Variants in ASCC2 observed in about 807,000 individuals in gnomAD.
The protein encoded by ASCC2 is ASC-1 complex subunit P100.
A neutral mutation model predicts 93.5 loss-of-function variants in ASCC2; 42 were observed. The ratio of observed to expected loss-of-function variants is 0.45; its 90% CI spans 0.35 to 0.58. The LOEUF (loss-of-function observed/expected upper bound fraction) is 0.58. Among genes scored for constraint, ASCC2 ranks in the 20% least tolerant of loss-of-function variants. The probability of loss-of-function intolerance (pLI) is 0.00; values close to 1 mark genes in which losing one functional copy is unlikely to be tolerated. For synonymous variants in ASCC2, 364 were observed against 384.2 expected, an observed-to-expected ratio of 0.95 and a Z score of 0.62; for missense variants, 859 against 977.6, an observed-to-expected ratio of 0.88 and a Z score of 1.62.
intron 7 of ASCC2, among the ~76,000 whole-genome samples, chr22:29,813,984 C>A (rs540603187): frequency 5.3e-5 from 8 of 152,328 alleles, no homozygotes; most frequent in African/African-American, 1.9e-4. Flanking sequence ...TCCTGGTTCT[C>A]ATGACAACTC....
intron 15 of ASCC2, among the ~76,000 whole-genome samples, chr22:29,798,712 T>G (rs564042741): frequency 6.6e-6 from 1 of 152,236 alleles, no homozygotes; most frequent in African/African-American, 2.4e-5. Context: ...CCGAAGTTCC[T>G]GTGTACCCCA....
At chr22:29,801,326 C>G (rs1036665781) in intron 14 of ASCC2, among the ~76,000 whole-genome samples, 8 of 152,244 alleles carry the variant, frequency 5.3e-5, no homozygotes, top group African/African-American at 1.9e-4. Context: ...AAAGCTCCCC[C>G]TCATTCTCTG....
At chr22:29,799,700 CT>C (rs1424529525) in intron 15 of ASCC2, among the ~76,000 whole-genome samples, 1 of 152,236 alleles carries the variant, frequency 6.6e-6, no homozygotes, top group African/African-American at 2.4e-5. Flanking sequence ...TCTTATTTTG[CT>C]GTTCTCTACT....
chr22:29,820,149 G>A (rs572820824), intron 5 of ASCC2, among the ~76,000 whole-genome samples: 1 of 151,604 alleles, frequency 6.6e-6, no homozygotes, highest in South Asian at 2.1e-4. Context: ...TGAAAATGTT[G>A]GATGCAAAAT....
rs759089017 is a variant in ASCC2 at position 29,801,049 on chromosome 22, C to T, written c.1630G>A (p.Glu544Lys). 1.9e-6 allele frequency: 3 copies of T among 1,609,848 alleles called. No individual in the cohort carries two copies. Among genetic ancestry groups the T allele is most frequent in the South Asian group, 2.2e-5 (2 of 90,910 alleles). The change falls in exon 15 of 20, where the codon GAG becomes AAG. Residue 544 changes from glutamate (E) to lysine (K), a missense_variant. Physicochemically the swap from Glu to Lys is moderately conservative, Grantham distance 56. Transcript: ENST00000307790. Reference sequence around the variant, plus strand: ...GAGTCCCTGCTGAACACATCAAACTCGTCATTCTGGAAGACGTTGTGGCGA... The same window carrying T: ...GAGTCCCTGCTGAACACATCAAACTTGTCATTCTGGAAGACGTTGTGGCGA... ...TSRHNVFQND[E>K]FDVFSRDSVD...
intron 8 of ASCC2, among the ~76,000 whole-genome samples, chr22:29,808,994 C>T (rs2059992645): frequency 1.3e-5 from 2 of 151,576 alleles, no homozygotes; most frequent in African/African-American, 4.9e-5. Context: ...GTGGTGCACG[C>T]CTGTAATCTC....
intron 5 of ASCC2, among the ~76,000 whole-genome samples, chr22:29,819,221 C>T (rs1457445218): frequency 6.6e-6 from 1 of 152,030 alleles, no homozygotes; most frequent in Non-Finnish European, 1.5e-5. Context: ...AGTGCAATGG[C>T]ACAATCTCGG....
chr22:29,831,387 T>C (rs929036065), intron 2 of ASCC2, among the ~76,000 whole-genome samples: 3 of 152,312 alleles, frequency 2.0e-5, no homozygotes, highest in African/African-American at 7.2e-5. Context: ...AATCAAAATG[T>C]CTATTTGTAG....
chr22:29,809,903 A>T (rs2060098885), intron 8 of ASCC2: 1 of 152,172 alleles, frequency 6.6e-6, no homozygotes, highest in Non-Finnish European at 1.5e-5. Flanking sequence ...ACCTCTTATG[A>T]CAGCAAACCA....
intron 2 of ASCC2, among the ~76,000 whole-genome samples, chr22:29,831,203 T>C (rs113345419): frequency 0.011 from 1,708 of 152,324 alleles, 29 homozygotes; most frequent in African/African-American, 0.037. Flanking sequence ...GATTTTCTGA[T>C]AAATATCTCC....
chr22:29,804,410 A>G (rs740116), intron 13 of ASCC2, among the ~76,000 whole-genome samples: 18,748 of 152,192 alleles, frequency 0.12, 1,858 homozygotes, highest in African/African-American at 0.28. Context: ...TAAGGCTTCG[A>G]TAGTTGAAGC....
At chr22:29,789,656 C>T (rs1211265104) in intron 19 of ASCC2, among the ~76,000 whole-genome samples, 1 of 152,224 alleles carries the variant, frequency 6.6e-6, no homozygotes, top group African/African-American at 2.4e-5. Context: ...CAGAGCTCCG[C>T]ACTCAGGGGG....
chr22:29,825,182 C>T lies in ASCC2; in HGVS notation c.316G>A (p.Val106Met). The change falls in exon 4 of 20, where the codon GTG becomes ATG. Residue 106 changes from valine (V) to methionine (M), a missense_variant. Val to Met is a conservative substitution (Grantham distance 21, BLOSUM62 1). Transcript: ENST00000307790. This position sits in a 1 kb window ranked among gnomAD's most constrained non-coding sequence, Gnocchi z 4.9. ...TCAACAACCTCAGGGGCTGAGGCCA[C>T]CCCCTCGTCGAATTTGCGGGGGACA... ...RYVPRKFDEG[V>M]ASAPEVVDMQ... The T allele has an allele frequency of 3.2e-6, 5 of 1,564,708 alleles. No homozygotes were observed. The highest frequency in any genetic ancestry group is 1.7e-4 in the Middle Eastern group (1 of 5,836).
At chr22:29,817,435 T>C (rs568938353) in intron 5 of ASCC2, among the ~76,000 whole-genome samples, 105 of 152,170 alleles carry the variant, frequency 6.9e-4, no homozygotes, top group Non-Finnish European at 1.3e-3. Flanking sequence ...CACTCCTCCC[T>C]CACACCATTC....
intron 4 of ASCC2, among the ~76,000 whole-genome samples, chr22:29,824,395 ACTTGAGTT>A (rs2062019705): frequency 6.6e-6 from 1 of 151,998 alleles, no homozygotes; most frequent in Non-Finnish European, 1.5e-5. Flanking sequence ...TGGGAATATA[ACTTGAGTT>A]CAGGAGTTCA....
chr22:29,818,225 TTC>T (rs1174648868), intron 5 of ASCC2, among the ~76,000 whole-genome samples: 1 of 152,078 alleles, frequency 6.6e-6, no homozygotes, highest in African/African-American at 2.4e-5. Context: ...TTGACTGAGT[TTC>T]CGCGGTATAG....
chr22:29,806,404 C>A (rs1211589353), intron 11 of ASCC2, 81 bp downstream of exon 11: 2 of 1,570,918 alleles, frequency 1.3e-6, no homozygotes, highest in Non-Finnish European at 1.8e-6. Flanking sequence ...TGTGGTGGGC[C>A]TATAGCGGGG....
chr22:29,802,257 AT>A (rs1446837772), intron 13 of ASCC2, 49 bp from the exon 14 acceptor site: 1 of 1,581,666 alleles, frequency 6.3e-7, no homozygotes, highest in African/African-American at 1.3e-5. Flanking sequence ...TGGGCCGGTG[AT>A]AGGGCCACAG....
chr22:29,793,785 T>C (rs1393434165), intron 15 of ASCC2, 109 bp from the exon 16 acceptor site: 6 of 1,006,076 alleles, frequency 6.0e-6, no homozygotes, highest in Non-Finnish European at 7.3e-6. Flanking sequence ...CCTCAGACTG[T>C]CACGGAGACA....
Sources: gnomAD v4.1 joint callset for allele counts (sites outside exome capture counted in the v4.1 genomes callset) on GRCh38, gnomAD v4.1.1 for gene constraint, Gnocchi (gnomAD v3.1) non-coding constraint, MANE v1.5 for transcripts, NCBI Gene and HGNC (gene_info 2026-07-23, HGNC 2026-07-21) for gene names.